The following SHBG variants were observed in gnomAD, a reference collection of about 807,000 sequenced individuals.
SHBG encodes the protein sex hormone-binding globulin.
A neutral mutation model predicts 41.9 loss-of-function variants in SHBG; 37 were observed. That is an observed-to-expected ratio of 0.88 (90% CI 0.68 to 1.16). SHBG has a LOEUF of 1.16. Ranked by LOEUF, SHBG falls within the 50% of genes most tolerant of loss-of-function variation. The pLI is 0.00. For synonymous variants in SHBG, 217 were observed against 205.8 expected, an observed-to-expected ratio of 1.05 and a Z score of -0.47; for missense variants, 466 against 499.9, an observed-to-expected ratio of 0.93 and a Z score of 0.65.
At chr17:7,628,523 T>C (rs1424829382), upstream of SHBG, among the ~76,000 whole-genome samples, 1 of 152,000 alleles carries the variant, frequency 6.6e-6, no homozygotes, top group Admixed American at 6.6e-5. Context: ...CTCGGCTCAC[T>C]GCAACCTCTC....
chr17:7,630,108 A>G (rs1336754872), upstream of SHBG: 30 of 1,387,926 alleles, frequency 2.2e-5, no homozygotes, highest in Non-Finnish European at 3.0e-5. The surrounding 1 kb of genome is among the most constrained non-coding windows in gnomAD (Gnocchi z 4.6). Flanking sequence ...CCCACACGCA[A>G]GGCTGCCTGC....
rs1234357917 is a variant in SHBG at position 7,632,912 on chromosome 17, A to G, written c.1013A>G (p.Asn338Ser). 4.3e-6 allele frequency: 7 copies of G among 1,613,776 alleles called. No individual in the cohort carries two copies. The East Asian group carries it at 1.3e-4, about 31-fold the overall frequency. The change falls in exon 7 of 8, where the codon AAC (asparagine) becomes AGC (serine). Residue 338 changes from asparagine (N) to serine (S), a missense_variant. By Grantham distance (46) the Asn-to-Ser change is conservative. Coordinates refer to ENST00000380450, the MANE Select transcript of SHBG (RefSeq NM_001040.5). Reference protein sequence around the residue: ...LPPLGLAPLLNLWAKPQGRLF... With the variant: ...LPPLGLAPLLSLWAKPQGRLF... The stretch of plus-strand genomic sequence containing the variant: ...CCCTTAGGCCTGGCTCCCCTCCTTA[A>G]CCTCTGGGCCAAGCCTCAAGGGCGT...
chr17:7,616,593 C>A (rs1449981277), intron 1 of SHBG, among the ~76,000 whole-genome samples: 1 of 150,220 alleles, frequency 6.7e-6, no homozygotes. Context: ...CCACTGCACT[C>A]CAGCTGGGGC....
chr17:7,614,499 G>T, intron 1 of SHBG: 1 of 1,533,542 alleles, frequency 6.5e-7, no homozygotes. Flanking sequence ...GGCAGTCCCG[G>T]CTCCACATCC....
chr17:7,632,796 C>T lies in SHBG; in HGVS notation c.897C>T (p.Pro299=). 21 of 1,614,108 alleles carry T rather than the reference C, an allele frequency of 1.3e-5. No individual in the cohort carries two copies. Among genetic ancestry groups the T allele is most frequent in the Non-Finnish European group, 1.8e-5 (21 of 1,180,036 alleles). Reference sequence around the variant, plus strand: ...GGTCGGGGCCAGGGCTGGATCTGCCCCTGGTCTTGGGACTCCCTCTTCAGC... The same window carrying T: ...GGTCGGGGCCAGGGCTGGATCTGCCTCTGGTCTTGGGACTCCCTCTTCAGC... ...SSGSGPGLDL[P]LVLGLPLQLK... The change falls in exon 7 of 8, where the codon CCC becomes CCT. Residue 299 remains proline, a synonymous_variant. Coordinates refer to ENST00000380450, the MANE Select transcript of SHBG (RefSeq NM_001040.5).
chr17:7,629,094 C>T (rs941986558), upstream of SHBG, among the ~76,000 whole-genome samples: 2 of 151,304 alleles, frequency 1.3e-5, no homozygotes, highest in African/African-American at 4.9e-5. Context: ...CAGGGAGGGT[C>T]GGGCCTTGTG....
At chr17:7,627,834 A>C, upstream of SHBG, 1 of 670,942 alleles carries the variant, frequency 1.5e-6, no homozygotes. The surrounding 1 kb of genome is among the most constrained non-coding windows in gnomAD (Gnocchi z 4.8). Context: ...TAGGCCAGCG[A>C]GGCGATCCTC....
upstream of SHBG, among the ~76,000 whole-genome samples, chr17:7,624,402 C>T (rs1393710885): frequency 6.6e-6 from 1 of 151,630 alleles, no homozygotes; most frequent in Admixed American, 6.6e-5. Context: ...GGTGCCACCA[C>T]ACCCAGCTAA....
At chr17:7,626,189 CAAAAA>C (rs370938874), upstream of SHBG, 237 of 233,294 alleles carry the variant, frequency 1.0e-3, no homozygotes, top group East Asian at 1.6e-3. Context: ...GACTCTGTCT[CAAAAA>C]AAAAAAAAAA....
At chr17:7,626,189 CAAAAAAA>C (rs370938874), upstream of SHBG, 2 of 232,594 alleles carry the variant, frequency 8.6e-6, no homozygotes, top group East Asian at 9.6e-5. Context: ...GACTCTGTCT[CAAAAAAA>C]AAAAAAAAAA....
At chr17:7,616,457 A>C (rs2071992335) in intron 1 of SHBG, among the ~76,000 whole-genome samples, 2 of 64,096 alleles carry the variant, frequency 3.1e-5, no homozygotes, top group Non-Finnish European at 4.7e-5. Context: ...AATACAAAAA[A>C]AAAAAAAAAA....
chr17:7,628,078 C>A (rs2150964189), upstream of SHBG: 1 of 466,084 alleles, frequency 2.1e-6, no homozygotes, highest in East Asian at 6.7e-5. Flanking sequence ...GGCTCCCCCG[C>A]AGTGCTTTTT....
At chr17:7,614,370 G>A (rs533623556) in intron 1 of SHBG, 2 of 1,038,800 alleles carry the variant, frequency 1.9e-6, no homozygotes, top group East Asian at 2.6e-5. Flanking sequence ...AGCTCCAGAA[G>A]CTCGATCCCG....
chr17:7,614,618 G>A (rs2071927223), intron 1 of SHBG: 2 of 814,692 alleles, frequency 2.5e-6, no homozygotes, highest in Non-Finnish European at 3.3e-6. Flanking sequence ...GCGTCTCCCC[G>A]GAGGAGGAGC....
chr17:7,625,238 T>G (rs981476955), upstream of SHBG, among the ~76,000 whole-genome samples: 13 of 151,648 alleles, frequency 8.6e-5, no homozygotes, highest in African/African-American at 3.1e-4. Context: ...CATAAGCCAC[T>G]GAGCCCGGCC....
upstream of SHBG, among the ~76,000 whole-genome samples, chr17:7,629,442 T>C (rs926633409): frequency 6.6e-6 from 1 of 152,066 alleles, no homozygotes; most frequent in Non-Finnish European, 1.5e-5. Context: ...TGATTTCTAC[T>C]GCTAGACTGT....
In SHBG at chr17:7,631,448, T is replaced by G. The variant is rs951632519; in HGVS notation, c.555+87T>G. ...GCCGTGGGAATCTAAGTCCACACTT[T>G]TAGGGAGAAGGGAAGGGTTGAGAGC... On this transcript the variant is annotated intron_variant, in intron 4 of 7. Transcript: ENST00000380450. 9.5e-6 allele frequency: 15 copies of G among 1,575,932 alleles called. No homozygotes were observed. The African/African-American group carries it at 2.0e-4, about 21-fold the overall frequency.
At chr17:7,631,086 T>C in intron 3 of SHBG, 114 bp from the exon 4 acceptor site, 1 of 1,149,072 alleles carries the variant, frequency 8.7e-7, no homozygotes, top group South Asian at 1.6e-5. Flanking sequence ...AGGCCAAGGA[T>C]GCTAGCTGCT....
Position 7,630,998 on chromosome 17 carries a change from G to A in SHBG, c.393+129G>A. 10 of 979,496 alleles carry A rather than the reference G, an allele frequency of 1.0e-5. No individual in the cohort carries two copies. The highest frequency in any genetic ancestry group is 1.4e-5 in the Non-Finnish European group (9 of 650,404). The allele number at this position is 979,496 out of a possible 1,614,324, so 60.7% of individuals were successfully genotyped here. ...AATCCACACGAACCCCCACAAAGTA[G>A]CTATTCTTGGCCCCATCTTTTCTGA... On this transcript the variant is annotated intron_variant, in intron 3 of 7. Transcript: ENST00000380450. The surrounding 1 kb of genome is among the most constrained non-coding windows in gnomAD (Gnocchi z 4.6).
Sources: allele counts gnomAD v4.1 joint callset (sites outside exome capture counted in the v4.1 genomes callset), GRCh38; gene constraint gnomAD v4.1.1; non-coding constraint Gnocchi (gnomAD v3.1); transcripts MANE v1.5; gene names NCBI Gene and HGNC (gene_info 2026-07-23, HGNC 2026-07-21).